MCTP1: variants seen among roughly 807,000 people sequenced by gnomAD.
MCTP1 encodes the protein multiple C2 and transmembrane domain containing 1.
MCTP1 carries 69 observed loss-of-function variants against 120.6 expected under a neutral mutation model. That is an observed-to-expected ratio of 0.57 (90% CI 0.47 to 0.70). The LOEUF (loss-of-function observed/expected upper bound fraction) is 0.70, where lower values mean the gene tolerates loss of function less well. Ranked by LOEUF, MCTP1 falls within the 30% of genes least tolerant of loss-of-function variation. MCTP1 has a pLI of 0.00. For synonymous variants in MCTP1, 529 were observed against 493.1 expected, an observed-to-expected ratio of 1.07 and a Z score of -0.96; for missense variants, 1,203 against 1,248.8, an observed-to-expected ratio of 0.96 and a Z score of 0.55.
At chr5:95,016,608 G>A (rs918597085) in intron 2 of MCTP1, among the ~76,000 whole-genome samples, 1 of 151,910 alleles carries the variant, frequency 6.6e-6, no homozygotes, top group Admixed American at 6.6e-5. Context: ...CTGGCAGGAG[G>A]AGTTACATCC....
intron 1 of MCTP1, chr5:95,081,660 C>T (rs968393493): frequency 1.7e-5 from 22 of 1,323,968 alleles, no homozygotes; most frequent in East Asian, 1.4e-4. Context: ...GTAAGAAGAA[C>T]CCGTGATGTT....
intron 2 of MCTP1, among the ~76,000 whole-genome samples, chr5:94,988,954 A>G (rs1279969872): frequency 6.6e-6 from 1 of 152,082 alleles, no homozygotes; most frequent in Admixed American, 6.6e-5. Context: ...TGGATGGGGG[A>G]AACCACCCCC....
intron 9 of MCTP1, among the ~76,000 whole-genome samples, chr5:94,911,664 A>G (rs1007491138): frequency 6.6e-6 from 1 of 152,282 alleles, no homozygotes; most frequent in Non-Finnish European, 1.5e-5. Context: ...TTCATAAGTT[A>G]CCCAGTCTGA....
intron 1 of MCTP1, among the ~76,000 whole-genome samples, chr5:95,149,449 T>G (rs1190204872): frequency 1.3e-5 from 2 of 151,864 alleles, no homozygotes; most frequent in African/African-American, 4.8e-5. Context: ...TACGGAGCTG[T>G]GCCCACCCAC....
intron 19 of MCTP1, among the ~76,000 whole-genome samples, chr5:94,758,582 TTTCACCATATTA>T: frequency 6.6e-6 from 1 of 152,356 alleles, no homozygotes; most frequent in East Asian, 1.9e-4. Context: ...ACTGATTTCT[TTTCACCATATTA>T]TTCTTTTACC....
In MCTP1 at chr5:94,711,109, G is replaced by A. The variant is rs533619186; in HGVS notation, c.2721-182C>T. ...AATCTGCTCAGTTCCATGAACACAG[G>A]GCCCAAGTAAAGAGTCTTGCTGCCA... On this transcript the variant is annotated intron_variant, in intron 20 of 22. Transcript: ENST00000515393. 2.5e-4 allele frequency among the ~76,000 whole-genome samples: 38 copies of A among 152,198 alleles called. No individual in the cohort carries two copies. The South Asian group carries it at 5.4e-3, about 22-fold the overall frequency.
chr5:94,727,696 A>C (rs575657004), intron 19 of MCTP1, among the ~76,000 whole-genome samples: 65 of 152,300 alleles, frequency 4.3e-4, no homozygotes, highest in African/African-American at 1.5e-3. Context: ...TGTTAAAGGC[A>C]TGACTTGAAT....
intron 1 of MCTP1, among the ~76,000 whole-genome samples, chr5:95,196,357 A>G (rs1009919063): frequency 2.6e-4 from 39 of 152,334 alleles, no homozygotes; most frequent in African/African-American, 8.9e-4. Flanking sequence ...GGTGGTCCCA[A>G]TTTACAGAAA....
chr5:94,988,028 T>A (rs1830731047), intron 2 of MCTP1, among the ~76,000 whole-genome samples: 1 of 152,186 alleles, frequency 6.6e-6, no homozygotes, highest in African/African-American at 2.4e-5. Flanking sequence ...CTTGCCACAG[T>A]CACTCCATGC....
At chr5:95,129,419 G>A (rs1358233158) in intron 1 of MCTP1, among the ~76,000 whole-genome samples, 1 of 152,158 alleles carries the variant, frequency 6.6e-6, no homozygotes, top group African/African-American at 2.4e-5. Context: ...CAAATAAAGG[G>A]CACATAGCAG....
chr5:94,884,713 G>T (rs953661327), intron 12 of MCTP1, among the ~76,000 whole-genome samples: 1 of 152,118 alleles, frequency 6.6e-6, no homozygotes, highest in Non-Finnish European at 1.5e-5. Context: ...TGTTTTCTAG[G>T]CAGCCTGTCA....
intron 1 of MCTP1, among the ~76,000 whole-genome samples, chr5:95,138,005 A>G (rs200475010): frequency 6.6e-6 from 1 of 152,212 alleles, no homozygotes; most frequent in East Asian, 1.9e-4. Context: ...AAACACTGAA[A>G]TTCCAGTTCT....
chr5:94,714,671 A>G, intron 20 of MCTP1, 106 bp downstream of exon 20: 1 of 764,398 alleles, frequency 1.3e-6, no homozygotes, highest in Non-Finnish European at 2.4e-6. Flanking sequence ...TAGAGCACCC[A>G]GAAGGAGTGT....
chr5:94,915,180 C>G (rs10039012), intron 8 of MCTP1, among the ~76,000 whole-genome samples: 24,882 of 152,120 alleles, frequency 0.16, 2,188 homozygotes, highest in Middle Eastern at 0.27. Context: ...TTGGTTCCCA[C>G]GAAAACCCCA....
intron 1 of MCTP1, among the ~76,000 whole-genome samples, chr5:95,122,437 A>G (rs1758311845): frequency 6.6e-6 from 1 of 152,224 alleles, no homozygotes; most frequent in African/African-American, 2.4e-5. Context: ...TGCAAATCAA[A>G]ACAACAATGA....
At chr5:95,234,085 G>A (rs926733955) in intron 1 of MCTP1, among the ~76,000 whole-genome samples, 2 of 151,540 alleles carry the variant, frequency 1.3e-5, no homozygotes, top group African/African-American at 4.8e-5. Flanking sequence ...TCCAAGGAAA[G>A]AATATTTTTA....
chr5:94,905,292 CAA>C (rs1806535648), intron 10 of MCTP1, among the ~76,000 whole-genome samples: 1 of 152,130 alleles, frequency 6.6e-6, no homozygotes, highest in Non-Finnish European at 1.5e-5. Flanking sequence ...CCAGATTGTG[CAA>C]AGTCTTATAG....
At chr5:94,821,597 A>G (rs1164569779) in intron 17 of MCTP1, among the ~76,000 whole-genome samples, 1 of 152,212 alleles carries the variant, frequency 6.6e-6, no homozygotes, top group African/African-American at 2.4e-5. Flanking sequence ...TCCCAGTACA[A>G]ATAAAAAGCC....
At chr5:95,212,886 G>A (rs2152570340) in intron 1 of MCTP1, among the ~76,000 whole-genome samples, 1 of 152,240 alleles carries the variant, frequency 6.6e-6, no homozygotes, top group East Asian at 1.9e-4. Flanking sequence ...AGCTATCTAT[G>A]ACAAACCCAC....
Sources: allele counts gnomAD v4.1 joint callset (sites outside exome capture counted in the v4.1 genomes callset), GRCh38; gene constraint gnomAD v4.1.1; transcripts MANE v1.5; gene names NCBI Gene and HGNC (gene_info 2026-07-23, HGNC 2026-07-21).